SFXN2: variants seen among roughly 807,000 people sequenced by gnomAD.
The protein encoded by SFXN2 is sideroflexin 2, also known as sideroflexin-2.
In SFXN2, 37 loss-of-function variants were observed where a neutral mutation model predicts 41.9. The observed-to-expected ratio is 0.88, with a 90% CI of 0.68 to 1.16. The LOEUF is 1.16. Among genes scored for constraint, SFXN2 ranks in the 50% most tolerant of loss-of-function variants. The pLI, the probability that SFXN2 is intolerant of heterozygous loss-of-function variation, is 0.00. For synonymous variants in SFXN2, 150 were observed against 156.7 expected (o/e 0.96, Z 0.32); for missense variants, 386 against 425.2 (o/e 0.91, Z 0.81).
rs1250639421 is a variant in SFXN2, at chr10:102,738,998, G to A, written c.*1236G>A. 4 of 152,636 alleles carry A rather than the reference G, an allele frequency of 2.6e-5. No homozygotes were observed. Among genetic ancestry groups the A allele is most frequent in the South Asian group, 2.1e-4 (1 of 4,832 alleles). 9.5% of individuals were successfully genotyped at this position (152,636 alleles called of 1,614,324 possible). The stretch of plus-strand genomic sequence containing the variant: ...ACCAAAGAGCCTTAAAGGACACACA[G>A]CAATGCACAGCCACTTCCCTTCCCC... On this transcript the variant is annotated 3_prime_UTR_variant, in exon 12 of 12. Coordinates refer to ENST00000369893, the MANE Select transcript of SFXN2 (RefSeq NM_178858.6).
rs202125748 is a variant in SFXN2 at position 102,735,958 on chromosome 10, G to A, written c.869+49G>A. 3.3e-5 allele frequency: 52 copies of A among 1,573,308 alleles called. No individual in the cohort carries two copies. The Middle Eastern group carries it at 8.4e-4, about 25-fold the overall frequency. ...TGGTTTAATTGACCATGCTGCCAGC[G>A]CGCTCCCTGATCTGCCTGCTGTCCA... On this transcript the variant is annotated intron_variant, in intron 11 of 11. Transcript: ENST00000369893.
intron 1 of SFXN2, among the ~76,000 whole-genome samples, chr10:102,718,060 C>A (rs540098936): frequency 1.3e-5 from 2 of 152,296 alleles, no homozygotes; most frequent in South Asian, 4.1e-4. Context: ...ATGTTCCAGA[C>A]AGATCGTTTA....
intron 4 of SFXN2, 148 bp from the exon 5 acceptor site, chr10:102,729,171 G>A (rs992988569): frequency 2.9e-6 from 2 of 682,590 alleles, no homozygotes; most frequent in African/African-American, 1.8e-5. Context: ...CTGTGAGTGA[G>A]GGGGAGAGGG....
rs80083822 is a variant in SFXN2, at chr10:102,722,398, A to G, written c.-25-4214A>G. ...ATTCTCCCCTCCTGTCCTTGATATT[A>G]CTGCTGTCATGGATTTCTCTGATCC... On this transcript the variant is annotated intron_variant, in intron 1 of 11. Coordinates refer to ENST00000369893, the MANE Select transcript of SFXN2 (RefSeq NM_178858.6). Among the ~76,000 whole-genome samples the G allele has an allele frequency of 4.8e-3, 736 of 152,318 alleles. 4 individuals are homozygous for G. Among genetic ancestry groups the G allele is most frequent in the African/African-American group, 0.017 (702 of 41,572 alleles).
At chr10:102,718,253 A>C (rs181738802) in intron 1 of SFXN2, among the ~76,000 whole-genome samples, 34 of 152,344 alleles carry the variant, frequency 2.2e-4, no homozygotes, top group African/African-American at 7.9e-4. Flanking sequence ...TGTTGTGTTA[A>C]GGTGAACAGA....
At chr10:102,718,413 A>C (rs978854915) in intron 1 of SFXN2, among the ~76,000 whole-genome samples, 1 of 152,250 alleles carries the variant, frequency 6.6e-6, no homozygotes, top group African/African-American at 2.4e-5. Context: ...GACTCCTTTT[A>C]GGTTCATGTA....
chr10:102,735,782 G>T, intron 10 of SFXN2, 80 bp from the exon 11 acceptor site: 1 of 1,472,738 alleles, frequency 6.8e-7, no homozygotes, highest in East Asian at 2.3e-5. Context: ...CCTGGGCATT[G>T]CTCCTTTCCC....
intron 1 of SFXN2, among the ~76,000 whole-genome samples, chr10:102,722,188 C>T (rs888737574): frequency 6.6e-6 from 1 of 152,216 alleles, no homozygotes; most frequent in Non-Finnish European, 1.5e-5. Flanking sequence ...TTAAAAGCGT[C>T]AGCTTTTTTT....
rs764450753 is a variant in SFXN2 at position 102,739,418 on chromosome 10, T to G, written c.*1656T>G. On this transcript the variant is annotated 3_prime_UTR_variant, in exon 12 of 12. Coordinates refer to ENST00000369893, the MANE Select transcript of SFXN2 (RefSeq NM_178858.6). Reference sequence around the variant, plus strand: ...TGCCCTAGAGCAAGAGTTGGCAAGCTATGGCTCAAGGGGCCAAATCCACCT... The same window carrying G: ...TGCCCTAGAGCAAGAGTTGGCAAGCGATGGCTCAAGGGGCCAAATCCACCT... 6.6e-6 allele frequency: 1 copy of G among 152,114 alleles called. No homozygotes were observed. Among genetic ancestry groups the G allele is most frequent in the Non-Finnish European group, 1.5e-5 (1 of 68,010 alleles). 9.4% of individuals were successfully genotyped at this position (152,114 alleles called of 1,614,324 possible).
chr10:102,734,373 C>G lies in SFXN2; in HGVS notation c.821+770C>G, dbSNP rs2064744255. 6.6e-6 allele frequency among the ~76,000 whole-genome samples: 1 copy of G among 152,192 alleles called. No individual in the cohort carries two copies. The highest frequency in any genetic ancestry group is 1.5e-5 in the Non-Finnish European group (1 of 68,032). The stretch of plus-strand genomic sequence containing the variant: ...ATGACAGCATCACTAACAGCTAACA[C>G]TGACTGTATATTTTCTCTGTGTCCC... On this transcript the variant is annotated intron_variant, in intron 10 of 11. Coordinates refer to ENST00000369893, the MANE Select transcript of SFXN2 (RefSeq NM_178858.6). This position sits in a 1 kb window ranked among gnomAD's most constrained non-coding sequence, Gnocchi z 4.1.
At chr10:102,731,631 A>G in intron 6 of SFXN2, 92 bp from the exon 7 acceptor site, 1 of 1,075,654 alleles carries the variant, frequency 9.3e-7, no homozygotes, top group South Asian at 1.4e-5. Context: ...CCTGGAGCTT[A>G]AGTGGCCTGG....
chr10:102,728,618 C>A, intron 4 of SFXN2, 89 bp downstream of exon 4: 3 of 1,113,968 alleles, frequency 2.7e-6, no homozygotes, highest in Non-Finnish European at 4.1e-6. Context: ...TCCTGGGTAG[C>A]ACCTGCACTG....
intron 6 of SFXN2, 47 bp from the exon 7 acceptor site, chr10:102,731,676 C>T: frequency 6.4e-7 from 1 of 1,560,936 alleles, no homozygotes; most frequent in Non-Finnish European, 8.8e-7. Flanking sequence ...GGCTGGCAGG[C>T]TTCCATCACC....
At chr10:102,731,830 A>C in intron 7 of SFXN2, 47 bp downstream of exon 7, 1 of 1,543,974 alleles carries the variant, frequency 6.5e-7, no homozygotes, top group Non-Finnish European at 8.9e-7. Context: ...ATTCCCTCTC[A>C]TACCCTGTCC....
rs1172195849 is a variant in SFXN2 at position 102,739,406 on chromosome 10, G to A, written c.*1644G>A. ...TGGGAGCTGTGTTGCCCTAGAGCAAGAGTTGGCAAGCTATGGCTCAAGGGG... is the reference window on the plus strand; with the variant it reads ...TGGGAGCTGTGTTGCCCTAGAGCAAAAGTTGGCAAGCTATGGCTCAAGGGG... On this transcript the variant is annotated 3_prime_UTR_variant, in exon 12 of 12. Coordinates refer to ENST00000369893, the MANE Select transcript of SFXN2 (RefSeq NM_178858.6). 1.3e-5 allele frequency: 2 copies of A among 152,228 alleles called. No homozygotes were observed. Among genetic ancestry groups the A allele is most frequent in the East Asian group, 3.8e-4 (2 of 5,202 alleles). 9.4% of individuals were successfully genotyped at this position (152,228 alleles called of 1,614,324 possible).
At position 102,729,773 on chromosome 10, in the gene SFXN2, G is replaced by C. The variant is rs201849917; in HGVS notation, c.558G>C (p.Ala186=). 3.7e-6 allele frequency: 6 copies of C among 1,614,064 alleles called. No individual in the cohort carries two copies. Among genetic ancestry groups the C allele is most frequent in the Admixed American group, 1.7e-5 (1 of 60,022 alleles). Residue 186 remains alanine (A), a synonymous_variant, in exon 6 of 12, where the codon GCG becomes GCC. Coordinates refer to ENST00000369893, the MANE Select transcript of SFXN2 (RefSeq NM_178858.6). ...GGGTGCCCTTTGCCGCTGTGGCTGC[G>C]GCTAACTGTGTCAATATCCCCATGA... is the stretch of plus-strand genomic sequence containing the variant. ...GRWVPFAAVA[A]ANCVNIPMMR... is the part of the protein sequence containing the mutation.
At chr10:102,735,057 C>T (rs544174950) in intron 10 of SFXN2, among the ~76,000 whole-genome samples, 4 of 151,964 alleles carry the variant, frequency 2.6e-5, no homozygotes, top group African/African-American at 9.7e-5. Context: ...TCACTCCTCC[C>T]CCTCCATAGT....
chr10:102,729,485 C>T (rs566547294), intron 5 of SFXN2, 91 bp downstream of exon 5: 1 of 1,462,686 alleles, frequency 6.8e-7, no homozygotes, highest in South Asian at 1.2e-5. Context: ...GTTCCCCAGG[C>T]TGGGTGAGTT....
At chr10:102,715,480 C>T (rs181885394) in intron 1 of SFXN2, among the ~76,000 whole-genome samples, 167 of 152,256 alleles carry the variant, frequency 1.1e-3, no homozygotes, top group Non-Finnish European at 1.4e-3. Context: ...GGAAGTGCTA[C>T]CTCCCATCCC....
Sources: gnomAD v4.1 joint callset for allele counts (sites outside exome capture counted in the v4.1 genomes callset) on GRCh38, gnomAD v4.1.1 for gene constraint, Gnocchi (gnomAD v3.1) non-coding constraint, MANE v1.5 for transcripts, NCBI Gene and HGNC (gene_info 2026-07-23, HGNC 2026-07-21) for gene names.